The following SEPTIN9 variants were observed in gnomAD, a reference collection of about 807,000 sequenced individuals.
SEPTIN9 encodes septin-9.
SEPTIN9 carries 13 observed loss-of-function variants against 56.6 expected under a neutral mutation model. That is an observed-to-expected ratio of 0.23 (90% CI 0.15 to 0.37). The LOEUF (loss-of-function observed/expected upper bound fraction) is 0.37, where lower values mean the gene tolerates loss of function less well. Among genes scored for constraint, SEPTIN9 ranks in the 10% least tolerant of loss-of-function variants. The probability of loss-of-function intolerance (pLI) is 1.00; values close to 1 mark genes in which losing one functional copy is unlikely to be tolerated. For missense variants in SEPTIN9, 650 were observed against 823.1 expected (o/e 0.79, Z 2.57); for synonymous variants, 332 against 334.1 (o/e 0.99, Z 0.07).
intron 3 of SEPTIN9, among the ~76,000 whole-genome samples, chr17:77,460,716 G>A (rs1473789680): frequency 6.6e-6 from 1 of 152,146 alleles, no homozygotes; most frequent in African/African-American, 2.4e-5. Flanking sequence ...CTCAGCAAGG[G>A]ATGTGGGGGC....
intron 3 of SEPTIN9, among the ~76,000 whole-genome samples, chr17:77,432,670 G>C (rs78030621): frequency 0.036 from 5,499 of 152,348 alleles, 274 homozygotes; most frequent in African/African-American, 0.11. Context: ...GACTGAGCGG[G>C]GGGTGTGTGA....
At chr17:77,288,466 G>T (rs2031376771) in intron 1 of SEPTIN9, among the ~76,000 whole-genome samples, 1 of 152,218 alleles carries the variant, frequency 6.6e-6, no homozygotes, top group Non-Finnish European at 1.5e-5. Context: ...GGGTGAGTGT[G>T]GTTACCAGGA....
intron 2 of SEPTIN9, chr17:77,373,294 G>A (rs954664658): frequency 7.8e-6 from 9 of 1,159,562 alleles, no homozygotes; most frequent in Admixed American, 9.5e-5. Flanking sequence ...GCGGGGCGGG[G>A]GCGCAGCGCG....
intron 1 of SEPTIN9, among the ~76,000 whole-genome samples, chr17:77,287,625 T>C (rs987751053): frequency 6.6e-6 from 1 of 152,226 alleles, no homozygotes; most frequent in African/African-American, 2.4e-5. Flanking sequence ...GCCCAGTTTC[T>C]CTCTGCTTTA....
At chr17:77,360,594 T>G (rs1432826177) in intron 2 of SEPTIN9, among the ~76,000 whole-genome samples, 1 of 151,960 alleles carries the variant, frequency 6.6e-6, no homozygotes, top group African/African-American at 2.4e-5. Context: ...AGACGGAGTC[T>G]CGCTCTGTCG....
intron 1 of SEPTIN9, among the ~76,000 whole-genome samples, chr17:77,282,193 G>C (rs903720524): frequency 2.6e-5 from 4 of 152,214 alleles, no homozygotes; most frequent in Admixed American, 1.3e-4. Context: ...CATTTCATAA[G>C]AGGCTCCCGC....
chr17:77,320,363 C>CGTA, intron 2 of SEPTIN9: 1 of 1,609,964 alleles, frequency 6.2e-7, no homozygotes, highest in East Asian at 2.2e-5. Flanking sequence ...GCAGACAGCC[C>CGTA]CCTCCCCATC....
intron 2 of SEPTIN9, among the ~76,000 whole-genome samples, chr17:77,388,881 G>A (rs1458825474): frequency 4.9e-5 from 7 of 142,078 alleles, no homozygotes; most frequent in African/African-American, 1.6e-4. Flanking sequence ...ACAATGAGAC[G>A]AGGAGGGAGG....
At chr17:77,457,336 G>A (rs2038251836) in intron 3 of SEPTIN9, among the ~76,000 whole-genome samples, 2 of 152,126 alleles carry the variant, frequency 1.3e-5, no homozygotes, top group South Asian at 2.1e-4. Flanking sequence ...ACCATGCCTC[G>A]GGACCTCACC....
Position 77,492,914 on chromosome 17 carries a change from G to C in SEPTIN9, c.1477-66G>C. The C allele has an allele frequency of 1.4e-6, 2 of 1,443,590 alleles. No individual in the cohort carries two copies. The highest frequency in any genetic ancestry group is 1.2e-5 in the South Asian group (1 of 83,246). The allele number at this position is 1,443,590 out of a possible 1,614,324, so 89.4% of individuals were successfully genotyped here. ...CCCCAGGCTCAGGGCAGCTCCTCCC[G>C]GGGGCCCAGGGGAGGGAATTGCCTT... On this transcript the variant is annotated intron_variant, in intron 9 of 11. Transcript: ENST00000427177. The surrounding 1 kb of genome is among the most constrained non-coding windows in gnomAD (Gnocchi z 5.4).
intron 2 of SEPTIN9, among the ~76,000 whole-genome samples, chr17:77,348,946 C>T (rs766165326): frequency 7.9e-5 from 12 of 152,180 alleles, no homozygotes; most frequent in Non-Finnish European, 1.8e-4. Flanking sequence ...TTCATTCCTT[C>T]CTGAAGAGCT....
chr17:77,312,348 G>A (rs1244016692), intron 2 of SEPTIN9, among the ~76,000 whole-genome samples: 4 of 152,118 alleles, frequency 2.6e-5, no homozygotes, highest in Non-Finnish European at 5.9e-5. Flanking sequence ...GGGTGGATTC[G>A]TGCTGCCGCC....
chr17:77,412,684 C>T (rs559399124), intron 3 of SEPTIN9, among the ~76,000 whole-genome samples: 2 of 151,882 alleles, frequency 1.3e-5, no homozygotes, highest in Non-Finnish European at 2.9e-5. Flanking sequence ...TGTGGTCATA[C>T]CACTGCACTC....
At chr17:77,490,646 GCC>G in intron 7 of SEPTIN9, 94 bp from the exon 8 acceptor site, 1 of 972,810 alleles carries the variant, frequency 1.0e-6, no homozygotes, top group Admixed American at 2.0e-5. Context: ...TGAGCCCCGA[GCC>G]AGCACCTGAG....
At chr17:77,408,751 CTG>C (rs1219535516) in intron 3 of SEPTIN9, among the ~76,000 whole-genome samples, 1 of 152,074 alleles carries the variant, frequency 6.6e-6, no homozygotes, top group African/African-American at 2.4e-5. Flanking sequence ...GGATCAGGGA[CTG>C]TGAAGTTGGG....
chr17:77,488,710 C>A lies in SEPTIN9; in HGVS notation c.1125-17C>A, dbSNP rs147811883. The A allele has an allele frequency of 2.1e-3, 3,397 of 1,613,420 alleles. 40 individuals carry two copies. In the African/African-American group the frequency reaches 0.026, roughly 12 times the overall value. On this transcript the variant is annotated splice_polypyrimidine_tract_variant and intron_variant, in intron 6 of 11. Coordinates refer to ENST00000427177, the MANE Select transcript of SEPTIN9 (RefSeq NM_001113491.2). The stretch of plus-strand genomic sequence containing the variant: ...GCATCTCATGTGCCTGCTGACTCGT[C>A]CCCATCCCCCACGCAGCTGGCAGCC...
intron 1 of SEPTIN9, among the ~76,000 whole-genome samples, chr17:77,283,165 T>C (rs1347352949): frequency 2.9e-4 from 44 of 149,736 alleles, no homozygotes; most frequent in Admixed American, 2.9e-3. Flanking sequence ...GGTTTCTTTT[T>C]TTTTTTTTTT....
intron 2 of SEPTIN9, among the ~76,000 whole-genome samples, chr17:77,334,012 C>T (rs1345397670): frequency 1.3e-5 from 2 of 152,052 alleles, no homozygotes; most frequent in African/African-American, 4.8e-5. Context: ...CACCTTGTTC[C>T]CCAGCTACAG....
At chr17:77,441,097 G>C (rs1365370450) in intron 3 of SEPTIN9, among the ~76,000 whole-genome samples, 1 of 152,214 alleles carries the variant, frequency 6.6e-6, no homozygotes, top group East Asian at 1.9e-4. Context: ...CTGGGCTCCT[G>C]GTTCTGGGAG....
Sources: allele counts gnomAD v4.1 joint callset (sites outside exome capture counted in the v4.1 genomes callset), GRCh38; gene constraint gnomAD v4.1.1; non-coding constraint Gnocchi (gnomAD v3.1); transcripts MANE v1.5; gene names NCBI Gene and HGNC (gene_info 2026-07-23, HGNC 2026-07-21).